SH3KBP1: variants seen among roughly 807,000 people sequenced by gnomAD.
SH3KBP1 encodes the protein SH3 domain-containing kinase-binding protein 1.
Under a neutral mutation model 50.1 loss-of-function variants are expected in SH3KBP1, and 8 were observed. The observed-to-expected ratio is 0.16, with a 90% CI of 0.09 to 0.29. SH3KBP1 has a LOEUF of 0.29. SH3KBP1 is among the 10% of genes least tolerant of loss of function. The pLI, the probability that SH3KBP1 is intolerant of heterozygous loss-of-function variation, is 1.00. For missense variants in SH3KBP1, 377 were observed against 535.2 expected, an observed-to-expected ratio of 0.70 and a Z score of 2.92; for synonymous variants, 227 against 218.6, an observed-to-expected ratio of 1.04 and a Z score of -0.34.
chrX:19,862,915 C>T lies in SH3KBP1; in HGVS notation c.4+24392G>A, dbSNP rs187980377. On this transcript the variant is annotated intron_variant, in intron 1 of 17. Coordinates refer to ENST00000397821, the MANE Select transcript of SH3KBP1 (RefSeq NM_031892.3). ...CATGATGAAAACAAGCAGTGGCCCT[C>T]TGCTCTAGGAATTGGGTGAAAATAT... 2.7e-5 allele frequency among the ~76,000 whole-genome samples: 3 copies of T among 112,068 alleles called. No homozygotes were observed. The East Asian group carries it at 8.4e-4, about 31-fold the overall frequency.
At chrX:19,814,886 T>C (rs1230421229) in intron 2 of SH3KBP1, among the ~76,000 whole-genome samples, 1 of 111,913 alleles carries the variant, frequency 8.9e-6, no homozygotes, top group African/African-American at 3.3e-5. Flanking sequence ...ACTTCTGTCA[T>C]TGGCCCTCCA....
chrX:19,847,569 C>G (rs2068397131), intron 1 of SH3KBP1, among the ~76,000 whole-genome samples: 1 of 112,041 alleles, frequency 8.9e-6, no homozygotes, highest in South Asian at 3.7e-4. Context: ...AGTATAACTA[C>G]TTTAGGCTCC....
chrX:19,741,580 C>G (rs1212673598), intron 3 of SH3KBP1, among the ~76,000 whole-genome samples: 1 of 111,763 alleles, frequency 8.9e-6, no homozygotes, highest in Non-Finnish European at 1.9e-5. Context: ...TCATGATAAA[C>G]TGGAAATAGA....
intron 7 of SH3KBP1, among the ~76,000 whole-genome samples, chrX:19,644,057 A>T (rs915022820): frequency 8.9e-6 from 1 of 111,904 alleles, no homozygotes; most frequent in Non-Finnish European, 1.9e-5. Context: ...GGACTGAACA[A>T]GGCTTGGGCT....
intron 6 of SH3KBP1, among the ~76,000 whole-genome samples, chrX:19,673,039 C>A: frequency 1.1e-5 from 1 of 92,693 alleles, no homozygotes; most frequent in Non-Finnish European, 2.1e-5. Flanking sequence ...GCACTCCAGC[C>A]TGGGCAACAG....
Position 19,817,401 on chromosome X carries a change from G to C in SH3KBP1, c.162+18724C>G, listed in dbSNP as rs370182392. Among the ~76,000 whole-genome samples the C allele has an allele frequency of 5.8e-4, 65 of 111,718 alleles. 1 individual carries two copies. The South Asian group carries it at 0.023, about 40-fold the overall frequency. The stretch of plus-strand genomic sequence containing the variant: ...CAACATCTTAACCACACTGACTCCA[G>C]TCCATGAATATGGTATGTCTCTCCA... On this transcript the variant is annotated intron_variant, in intron 2 of 17. Coordinates refer to ENST00000397821, the MANE Select transcript of SH3KBP1 (RefSeq NM_031892.3).
chrX:19,551,550 C>CTTTTTTTTTTTTTTTTTTTTTT (rs397800260), intron 13 of SH3KBP1, among the ~76,000 whole-genome samples: 21 of 95,144 alleles, frequency 2.2e-4, no homozygotes, highest in African/African-American at 8.2e-4. Flanking sequence ...CTCCCTCCCT[C>CTTTTTTTTTTTTTTTTTTTTTT]TTTTTTTTTT....
At chrX:19,793,347 A>C (rs1240792936) in intron 2 of SH3KBP1, among the ~76,000 whole-genome samples, 8 of 106,975 alleles carry the variant, frequency 7.5e-5, no homozygotes, top group African/African-American at 2.4e-4. Flanking sequence ...TCTGGCTAAG[A>C]GGCACCCGTG....
chrX:19,667,966 TAC>T (rs2062649615), intron 6 of SH3KBP1, among the ~76,000 whole-genome samples: 1 of 110,442 alleles, frequency 9.1e-6, no homozygotes, highest in South Asian at 3.9e-4. Context: ...ACGATGGATT[TAC>T]AAGAATGTTG....
At chrX:19,675,549 C>T (rs1013276739) in intron 6 of SH3KBP1, among the ~76,000 whole-genome samples, 1 of 110,701 alleles carries the variant, frequency 9.0e-6, no homozygotes, top group East Asian at 2.8e-4. Flanking sequence ...GGACTACAGG[C>T]GCATGCTACC....
chrX:19,640,537 T>C (rs1048410041), intron 7 of SH3KBP1, among the ~76,000 whole-genome samples: 1 of 107,844 alleles, frequency 9.3e-6, no homozygotes, highest in Non-Finnish European at 1.9e-5. Flanking sequence ...CATCCACACG[T>C]CCCCCGGTGT....
chrX:19,654,518 G>A (rs1174360168), intron 6 of SH3KBP1, among the ~76,000 whole-genome samples: 2 of 111,691 alleles, frequency 1.8e-5, no homozygotes, highest in African/African-American at 6.5e-5. Context: ...CCCGAGAGAG[G>A]AGCCTGCATG....
At chrX:19,821,808 C>T (rs1264364743) in intron 2 of SH3KBP1, among the ~76,000 whole-genome samples, 3 of 112,161 alleles carry the variant, frequency 2.7e-5, no homozygotes, top group East Asian at 2.8e-4. Context: ...GGATTACCGG[C>T]GTGAGCCACC....
chrX:19,716,302 C>A (rs1369650071), intron 3 of SH3KBP1, among the ~76,000 whole-genome samples: 2 of 111,995 alleles, frequency 1.8e-5, no homozygotes, highest in African/African-American at 6.5e-5. Flanking sequence ...TTTACAAACC[C>A]CTCTTGGCTG....
chrX:19,581,971 C>G (rs1328204451), intron 12 of SH3KBP1, among the ~76,000 whole-genome samples: 2 of 110,305 alleles, frequency 1.8e-5, no homozygotes, highest in African/African-American at 3.3e-5. Context: ...GTATGTTTAA[C>G]ATTTAAAGCA....
rs566177576 is a variant in SH3KBP1, at chrX:19,799,571, G to A, written c.162+36554C>T. ...CTCCCTCCTGGCCTACAAAGTAGTC[G>A]GGCAACAGGCTACAAAAGATGCAGA... On this transcript the variant is annotated intron_variant, in intron 2 of 17. Transcript: ENST00000397821. 7.8e-5 allele frequency: 86 copies of A among 1,106,872 alleles called. 1 individual carries two copies. In the South Asian group the frequency reaches 1.0e-3, roughly 13 times the overall value. 91.2% of individuals were successfully genotyped at this position (1,106,872 alleles called of 1,213,427 possible).
At chrX:19,800,294 T>G (rs1347694699) in intron 2 of SH3KBP1, among the ~76,000 whole-genome samples, 1 of 112,386 alleles carries the variant, frequency 8.9e-6, no homozygotes. Context: ...TACATATAAG[T>G]AATAAAGTAA....
chrX:19,588,871 C>A, intron 11 of SH3KBP1, 69 bp from the exon 12 acceptor site: 3 of 860,525 alleles, frequency 3.5e-6, no homozygotes, highest in Non-Finnish European at 4.6e-6. Context: ...GCAGATCACT[C>A]ATTTCCTGCT....
intron 2 of SH3KBP1, among the ~76,000 whole-genome samples, chrX:19,749,741 G>A (rs781031904): frequency 1.5e-4 from 17 of 112,445 alleles, no homozygotes; most frequent in Non-Finnish European, 3.2e-4. Context: ...TAGATAGTAC[G>A]GATAGTTGCA....
Sources: gnomAD v4.1 joint callset for allele counts (sites outside exome capture counted in the v4.1 genomes callset) on GRCh38, gnomAD v4.1.1 for gene constraint, MANE v1.5 for transcripts, NCBI Gene and HGNC (gene_info 2026-07-23, HGNC 2026-07-21) for gene names.